RASAL2: variants seen among roughly 807,000 people sequenced by gnomAD.
The protein encoded by RASAL2 is RAS protein activator like 2.
Under a neutral mutation model 128.9 loss-of-function variants are expected in RASAL2, and 58 were observed. That is an observed-to-expected ratio of 0.45 (90% CI 0.36 to 0.56). The LOEUF is 0.56. Ranked by LOEUF, RASAL2 falls within the 20% of genes least tolerant of loss-of-function variation. The probability of loss-of-function intolerance (pLI) is 0.00; values close to 1 mark genes in which losing one functional copy is unlikely to be tolerated. For synonymous variants in RASAL2, 561 were observed against 580.8 expected (o/e 0.97, Z 0.49); for missense variants, 1,360 against 1,601.6 (o/e 0.85, Z 2.57).
At chr1:178,174,956 CT>C (rs1440411377) in intron 1 of RASAL2, among the ~76,000 whole-genome samples, 3 of 152,034 alleles carry the variant, frequency 2.0e-5, no homozygotes, top group Non-Finnish European at 2.9e-5. Flanking sequence ...TTGCAAGAAG[CT>C]TTTAGACAAG....
At chr1:178,108,121 A>G (rs1571482784) in intron 1 of RASAL2, among the ~76,000 whole-genome samples, 1 of 152,220 alleles carries the variant, frequency 6.6e-6, no homozygotes, top group East Asian at 1.9e-4. Context: ...AACATTTATT[A>G]TTCATTTTTG....
At chr1:178,445,693 T>C in intron 9 of RASAL2, 31 bp downstream of exon 9, 2 of 1,578,502 alleles carry the variant, frequency 1.3e-6, no homozygotes, top group Non-Finnish European at 8.6e-7. Context: ...TATTTTCTTT[T>C]ATTTACTTTT....
At chr1:178,334,536 G>T (rs920497027) in intron 3 of RASAL2, among the ~76,000 whole-genome samples, 1 of 151,808 alleles carries the variant, frequency 6.6e-6, no homozygotes, top group African/African-American at 2.4e-5. Context: ...AGAATCAGGG[G>T]TTCACCATGT....
At chr1:178,310,212 T>A (rs781743374) in intron 3 of RASAL2, among the ~76,000 whole-genome samples, 1 of 152,188 alleles carries the variant, frequency 6.6e-6, no homozygotes, top group Non-Finnish European at 1.5e-5. Context: ...GTGAAGGTTG[T>A]GCATAAGGAA....
At chr1:178,229,760 T>G (rs1163044824) in intron 1 of RASAL2, among the ~76,000 whole-genome samples, 1 of 152,204 alleles carries the variant, frequency 6.6e-6, no homozygotes, top group African/African-American at 2.4e-5. Flanking sequence ...TAACACTGAT[T>G]AAGCAAATCT....
At chr1:178,197,739 G>A (rs1662715854) in intron 1 of RASAL2, among the ~76,000 whole-genome samples, 1 of 151,902 alleles carries the variant, frequency 6.6e-6, no homozygotes, top group Non-Finnish European at 1.5e-5. Context: ...TAGGGTACAT[G>A]TGCACAATGT....
intron 1 of RASAL2, among the ~76,000 whole-genome samples, chr1:178,142,654 T>A (rs1052092222): frequency 1.3e-5 from 2 of 152,304 alleles, no homozygotes; most frequent in East Asian, 1.9e-4. Flanking sequence ...CGACTGTTCT[T>A]GAGGATTTTG....
intron 1 of RASAL2, among the ~76,000 whole-genome samples, chr1:178,158,783 C>T (rs1273408806): frequency 1.3e-5 from 2 of 152,152 alleles, no homozygotes; most frequent in Admixed American, 1.3e-4. Flanking sequence ...TGTAAATGGA[C>T]TTCTCTCTTA....
At chr1:178,117,260 A>T (rs1659552525) in intron 1 of RASAL2, among the ~76,000 whole-genome samples, 1 of 152,206 alleles carries the variant, frequency 6.6e-6, no homozygotes, top group African/African-American at 2.4e-5. Context: ...ATTTAACCTG[A>T]GTAGCTTTTG....
intron 3 of RASAL2, among the ~76,000 whole-genome samples, chr1:178,355,115 C>T (rs1013996269): frequency 6.6e-6 from 1 of 152,172 alleles, no homozygotes; most frequent in African/African-American, 2.4e-5. Context: ...CAGAGCAAGA[C>T]CCTGTCTGTC....
chr1:178,127,078 C>G (rs2102290989), intron 1 of RASAL2, among the ~76,000 whole-genome samples: 1 of 152,188 alleles, frequency 6.6e-6, no homozygotes, highest in East Asian at 1.9e-4. Flanking sequence ...ATCTTGTGAC[C>G]CACAAACTGT....
At chr1:178,205,468 T>G (rs1663006949) in intron 1 of RASAL2, among the ~76,000 whole-genome samples, 1 of 151,952 alleles carries the variant, frequency 6.6e-6, no homozygotes, top group African/African-American at 2.4e-5. Context: ...TTAAAAAGAC[T>G]CTTATGGGCC....
intron 1 of RASAL2, among the ~76,000 whole-genome samples, chr1:178,196,391 G>C (rs1337195827): frequency 6.6e-6 from 1 of 152,114 alleles, no homozygotes; most frequent in African/African-American, 2.4e-5. Flanking sequence ...TTTTAAGAGA[G>C]AAAGGCAAAC....
chr1:178,110,096 GT>G (rs1345095602), intron 1 of RASAL2, among the ~76,000 whole-genome samples: 1 of 152,146 alleles, frequency 6.6e-6, no homozygotes, highest in Admixed American at 6.6e-5. Context: ...GTAATTTGAT[GT>G]ATTTGAAATA....
rs1340678146 is a variant in RASAL2, at chr1:178,475,070, T to C, written c.*1831T>C. The C allele has an allele frequency of 6.6e-6, 1 of 152,248 alleles. No individual in the cohort carries two copies. The highest frequency in any genetic ancestry group is 1.5e-5 in the Non-Finnish European group (1 of 68,082). 9.4% of individuals were successfully genotyped at this position (152,248 alleles called of 1,614,324 possible). ...CAAGTCCCAGGCTTGCATTCCAGCCTCTTGAGCTCTGCCCTCTCTCAGGTG... is the reference window on the plus strand; with the variant it reads ...CAAGTCCCAGGCTTGCATTCCAGCCCCTTGAGCTCTGCCCTCTCTCAGGTG... On this transcript the variant is annotated 3_prime_UTR_variant, in exon 18 of 18. Transcript: ENST00000367649.
intron 3 of RASAL2, among the ~76,000 whole-genome samples, chr1:178,317,948 C>G (rs867760391): frequency 6.6e-6 from 1 of 151,308 alleles, no homozygotes; most frequent in South Asian, 2.1e-4. Flanking sequence ...AAATTTCCCT[C>G]TACACACTGC....
intron 1 of RASAL2, among the ~76,000 whole-genome samples, chr1:178,194,951 A>C (rs1021176095): frequency 2.6e-5 from 4 of 152,240 alleles, no homozygotes; most frequent in African/African-American, 9.6e-5. Context: ...CCAGTAAGAG[A>C]TGTTATCTTG....
chr1:178,139,859 C>T (rs1193400087), intron 1 of RASAL2, among the ~76,000 whole-genome samples: 10 of 151,872 alleles, frequency 6.6e-5, no homozygotes. Context: ...GTCAGGGTAC[C>T]TTTTAATGAG....
In RASAL2 at chr1:178,165,768, G is replaced by A. The variant is rs74128868; in HGVS notation, c.202+71074G>A. The stretch of plus-strand genomic sequence containing the variant: ...TTCAGAACTGAAAGGAACCTTACAA[G>A]CTAAAGTAGACCTTACTGCTAATTT... On this transcript the variant is annotated intron_variant, in intron 1 of 17. Coordinates refer to ENST00000367649, the MANE Select transcript of RASAL2 (RefSeq NM_170692.4). 5.5e-3 allele frequency among the ~76,000 whole-genome samples: 844 copies of A among 152,234 alleles called. 11 individuals carry two copies. Among genetic ancestry groups the A allele is most frequent in the African/African-American group, 0.019 (791 of 41,544 alleles).
Sources: allele counts gnomAD v4.1 joint callset (sites outside exome capture counted in the v4.1 genomes callset), GRCh38; gene constraint gnomAD v4.1.1; transcripts MANE v1.5; gene names NCBI Gene and HGNC (gene_info 2026-07-23, HGNC 2026-07-21).